Variants in ZNF644 observed in about 807,000 individuals in gnomAD.
ZNF644 encodes the protein zinc finger protein 644, also known as zinc finger motif enhancer binding protein 2.
In ZNF644, 20 loss-of-function variants were observed where a neutral mutation model predicts 108.0. The ratio of observed to expected loss-of-function variants is 0.19; its 90% CI spans 0.13 to 0.27. ZNF644 has a LOEUF of 0.27. ZNF644 is among the 10% of genes least tolerant of loss of function. The pLI is 1.00. For missense variants in ZNF644, 1,338 were observed against 1,548.9 expected, an observed-to-expected ratio of 0.86 and a Z score of 2.29; for synonymous variants, 542 against 539.1, an observed-to-expected ratio of 1.01 and a Z score of -0.08.
At chr1:90,967,132 G>A (rs894258148) in intron 2 of ZNF644, among the ~76,000 whole-genome samples, 1 of 152,088 alleles carries the variant, frequency 6.6e-6, no homozygotes, top group Non-Finnish European at 1.5e-5. Flanking sequence ...TGTAGTCTCA[G>A]ATTCTACTCC....
intron 1 of ZNF644, among the ~76,000 whole-genome samples, chr1:91,004,121 G>A (rs557608994): frequency 1.2e-4 from 18 of 152,162 alleles, no homozygotes; most frequent in African/African-American, 4.3e-4. Flanking sequence ...CAAAAGAGGG[G>A]AGATAAGAAT....
At chr1:91,016,504 T>C (rs1291008954) in intron 1 of ZNF644, among the ~76,000 whole-genome samples, 4 of 152,234 alleles carry the variant, frequency 2.6e-5, no homozygotes, top group African/African-American at 7.2e-5. Flanking sequence ...TGTTTAGTAT[T>C]TGTGTATCTA....
chr1:90,966,340 A>G (rs1405451814), intron 2 of ZNF644, among the ~76,000 whole-genome samples: 5 of 152,108 alleles, frequency 3.3e-5, no homozygotes, highest in Non-Finnish European at 7.3e-5. Context: ...TCTCCCCACT[A>G]CAAAGTAAGC....
chr1:90,979,596 T>A (rs1409281483), intron 2 of ZNF644, among the ~76,000 whole-genome samples: 1 of 152,244 alleles, frequency 6.6e-6, no homozygotes, highest in Non-Finnish European at 1.5e-5. Flanking sequence ...AAAAATGTTA[T>A]CACAGTTCCA....
At chr1:91,011,945 T>C (rs1016187561) in intron 1 of ZNF644, among the ~76,000 whole-genome samples, 3 of 152,312 alleles carry the variant, frequency 2.0e-5, no homozygotes, top group Admixed American at 2.0e-4. Context: ...TTCCTGGCTA[T>C]ATGCCTAGAG....
rs377007971 is a variant in ZNF644 at position 90,940,474 on chromosome 1, T to C, written c.880A>G (p.Lys294Glu). 2.5e-5 allele frequency: 41 copies of C among 1,613,654 alleles called. No individual in the cohort carries two copies. The African/African-American group carries it at 4.5e-4, about 18-fold the overall frequency. ...CGAGTTATCTTGCTTACATCCATTT[T>C]TCGCTTTCTTTTTTTTTCTAGACCT... The part of the protein sequence containing the change: ...KIGLEKKRKR[K>E]MDVSKITRYT... Residue 294 changes from lysine to glutamate, a missense_variant, in exon 3 of 6, where the codon AAA becomes GAA. By Grantham distance (56) the Lys-to-Glu change is moderately conservative. Transcript: ENST00000337393.
chr1:90,937,637 C>T lies in ZNF644; in HGVS notation c.3536G>A (p.Arg1179Lys). The T allele has an allele frequency of 6.2e-7, 1 of 1,613,844 alleles. No individual in the cohort carries two copies. The highest frequency in any genetic ancestry group is 8.5e-7 in the Non-Finnish European group (1 of 1,179,850). Reference protein sequence around the residue: ...LTLIELLKNKRMGEERNSAIS... With the variant: ...LTLIELLKNKKMGEERNSAIS... Reference sequence around the variant, plus strand: ...AGCAGAATTCCTTTCTTCTCCCATCCTTTTATTTTTAAGAAGTTCTATGAG... The same window carrying T: ...AGCAGAATTCCTTTCTTCTCCCATCTTTTTATTTTTAAGAAGTTCTATGAG... Residue 1179 changes from arginine (R) to lysine (K), a missense_variant, in exon 4 of 6, where the codon AGG becomes AAG. This residue lies in a region of ZNF644 where 287 missense variants were observed against 310.9 expected (regional missense o/e 0.92). Transcript: ENST00000337393.
At chr1:90,999,984 C>T (rs1047917005) in intron 1 of ZNF644, among the ~76,000 whole-genome samples, 15 of 152,168 alleles carry the variant, frequency 9.9e-5, no homozygotes, top group Non-Finnish European at 1.9e-4. Flanking sequence ...ACAAGAAGAG[C>T]TAACTATCCT....
At chr1:90,936,319 C>T (rs1390402114) in intron 4 of ZNF644, among the ~76,000 whole-genome samples, 1 of 152,132 alleles carries the variant, frequency 6.6e-6, no homozygotes, top group Non-Finnish European at 1.5e-5. Flanking sequence ...AAGTATACTA[C>T]CCCTTGGTCA....
At chr1:90,946,573 T>C (rs1652536099) in intron 2 of ZNF644, among the ~76,000 whole-genome samples, 3 of 152,184 alleles carry the variant, frequency 2.0e-5, no homozygotes, top group African/African-American at 7.2e-5. Flanking sequence ...AAAAGTATTC[T>C]TTAAATTCAC....
chr1:91,014,167 T>G (rs376525396), intron 1 of ZNF644, among the ~76,000 whole-genome samples: 21 of 152,312 alleles, frequency 1.4e-4, no homozygotes, highest in African/African-American at 5.1e-4. Context: ...ATGCATTACC[T>G]CACATAGTTA....
intron 1 of ZNF644, among the ~76,000 whole-genome samples, chr1:91,002,853 A>G (rs1659006342): frequency 6.6e-6 from 1 of 152,218 alleles, no homozygotes; most frequent in South Asian, 2.1e-4. Flanking sequence ...AAACAACCCC[A>G]TTAACAAGTG....
At chr1:90,936,116 T>C (rs559035664) in intron 4 of ZNF644, among the ~76,000 whole-genome samples, 14 of 152,316 alleles carry the variant, frequency 9.2e-5, no homozygotes, top group Admixed American at 3.9e-4. Context: ...TGAAAGTTAA[T>C]GATTTAAAGT....
chr1:90,975,732 C>A (rs1367001607), intron 2 of ZNF644, among the ~76,000 whole-genome samples: 2 of 152,140 alleles, frequency 1.3e-5, no homozygotes, highest in African/African-American at 4.8e-5. Flanking sequence ...GTGTGAGCCA[C>A]CACGCCTGGC....
intron 1 of ZNF644, among the ~76,000 whole-genome samples, chr1:91,019,120 A>G (rs906654051): frequency 6.6e-6 from 1 of 152,246 alleles, no homozygotes; most frequent in Non-Finnish European, 1.5e-5. Context: ...CTGACATTCA[A>G]AGAAGTTAAA....
intron 1 of ZNF644, among the ~76,000 whole-genome samples, chr1:90,983,521 T>C (rs1423990230): frequency 2.0e-5 from 3 of 147,882 alleles, no homozygotes; most frequent in African/African-American, 5.0e-5. Context: ...TTTGTAGATA[T>C]GATTAAATTA....
At chr1:91,006,143 T>C (rs994041577) in intron 1 of ZNF644, among the ~76,000 whole-genome samples, 2 of 151,620 alleles carry the variant, frequency 1.3e-5, no homozygotes, top group African/African-American at 4.9e-5. Flanking sequence ...GTAGATGAAA[T>C]GGACAAATTC....
intron 2 of ZNF644, among the ~76,000 whole-genome samples, chr1:90,961,273 A>G (rs1276080326): frequency 6.6e-6 from 1 of 152,198 alleles, no homozygotes; most frequent in Non-Finnish European, 1.5e-5. Context: ...ACTGTCTGCA[A>G]AAACAAAACA....
At chr1:91,020,649 A>C (rs979797521) in intron 1 of ZNF644, 1 of 152,258 alleles carries the variant, frequency 6.6e-6, no homozygotes, top group Admixed American at 6.5e-5. Context: ...ATGCAACTGA[A>C]GGCAAACAGC....
Sources: allele counts gnomAD v4.1 joint callset (sites outside exome capture counted in the v4.1 genomes callset), GRCh38; gene constraint gnomAD v4.1.1; regional missense constraint gnomAD v4.1.1; transcripts MANE v1.5; gene names NCBI Gene and HGNC (gene_info 2026-07-23, HGNC 2026-07-21).